The following MINAR1 variants were observed in gnomAD, a reference collection of about 807,000 sequenced individuals.
MINAR1 encodes the protein membrane integral NOTCH2 associated receptor 1.
MINAR1 carries 40 observed loss-of-function variants against 65.1 expected under a neutral mutation model. That is an observed-to-expected ratio of 0.61 (90% confidence interval 0.48 to 0.80). The LOEUF is 0.80. Among genes scored for constraint, MINAR1 ranks in the 30% least tolerant of loss-of-function variants. The pLI is 0.00. For missense variants in MINAR1, 1,128 were observed against 1,148.0 expected (o/e 0.98, Z 0.25); for synonymous variants, 482 against 449.1 (o/e 1.07, Z -0.93).
the MINAR1 span, chr15:79,421,621 A>C: frequency 6.6e-6 from 1 of 152,126 alleles, no homozygotes; most frequent in Non-Finnish European, 1.5e-5. Context: ...ACCTCCCCCT[A>C]CTCTTAGAAA....
intron 2 of MINAR1, among the ~76,000 whole-genome samples, chr15:79,458,908 T>C (rs1895541211): frequency 6.6e-6 from 1 of 152,220 alleles, no homozygotes; most frequent in East Asian, 1.9e-4. Context: ...TGAGGTTTTT[T>C]TCATTATAAA....
rs536990647 is a variant in MINAR1 at position 79,471,407 on chromosome 15, C to T, written c.*3023C>T. Reference sequence around the variant, plus strand: ...TAATCTGAATTTGTTTTGAACACAGCCTTGCAGAAAAGCAAAAAATATTTC... The same window carrying T: ...TAATCTGAATTTGTTTTGAACACAGTCTTGCAGAAAAGCAAAAAATATTTC... On this transcript the variant is annotated 3_prime_UTR_variant, in exon 4 of 4. Coordinates refer to ENST00000305428, the MANE Select transcript of MINAR1 (RefSeq NM_015206.3). 6.5e-6 allele frequency: 1 copy of T among 152,698 alleles called. No homozygotes were observed. Among genetic ancestry groups the T allele is most frequent in the African/African-American group, 2.4e-5 (1 of 41,556 alleles). The allele number at this position is 152,698 out of a possible 1,614,324, so 9.5% of individuals were successfully genotyped here. A position where few individuals can be genotyped will look rare whatever the true frequency, so the allele number is the denominator to read the frequency against.
the MINAR1 span, chr15:79,412,101 G>C: frequency 6.8e-6 from 1 of 147,442 alleles, no homozygotes; most frequent in African/African-American, 2.5e-5. Flanking sequence ...GCTGTGATGC[G>C]GGCCCCCAGG....
At chr15:79,437,097 GTAAC>G (rs1186445873) in intron 1 of MINAR1, among the ~76,000 whole-genome samples, 9 of 111,228 alleles carry the variant, frequency 8.1e-5, no homozygotes, top group Admixed American at 1.0e-4. Context: ...GAGGCTTCAA[GTAAC>G]TAACTAAGAA....
chr15:79,430,779 A>C (rs966998660), upstream of MINAR1, among the ~76,000 whole-genome samples: 1 of 152,260 alleles, frequency 6.6e-6, no homozygotes, highest in East Asian at 1.9e-4. Flanking sequence ...AAACTTGGGC[A>C]GAGAGGAGCT....
At chr15:79,461,420 C>T (rs1467003736) in intron 2 of MINAR1, among the ~76,000 whole-genome samples, 1 of 152,230 alleles carries the variant, frequency 6.6e-6, no homozygotes, top group African/African-American at 2.4e-5. Context: ...GCAATTATGC[C>T]TGCAGTGGCT....
At chr15:79,434,011 T>C (rs1353279468) in intron 1 of MINAR1, among the ~76,000 whole-genome samples, 2 of 152,172 alleles carry the variant, frequency 1.3e-5, no homozygotes, top group Non-Finnish European at 2.9e-5. Context: ...AGGGCAAACT[T>C]AGAGATTTTC....
chr15:79,468,479 G>T lies in MINAR1; in HGVS notation c.*95G>T, dbSNP rs1211095672. On this transcript the variant is annotated 3_prime_UTR_variant, in exon 4 of 4. Coordinates refer to ENST00000305428, the MANE Select transcript of MINAR1 (RefSeq NM_015206.3). Reference sequence around the variant, plus strand: ...CAGTGAGGCAACAATTTGTTGAAATGGAGATGAAATCATGGAGGCATTTCT... The same window carrying T: ...CAGTGAGGCAACAATTTGTTGAAATTGAGATGAAATCATGGAGGCATTTCT... 4 of 1,133,386 alleles carry T rather than the reference G, an allele frequency of 3.5e-6. No homozygotes were observed. In the African/African-American group the frequency reaches 4.7e-5, roughly 13 times the overall value. 70.2% of individuals were successfully genotyped at this position (1,133,386 alleles called of 1,614,324 possible).
chr15:79,437,657 G>C, intron 1 of MINAR1, among the ~76,000 whole-genome samples: 1 of 129,066 alleles, frequency 7.7e-6, no homozygotes, highest in Non-Finnish European at 1.7e-5. Context: ...GTGGGTGTGT[G>C]TAGGTAGTGT....
chr15:79,460,356 CT>C (rs1358447862), intron 2 of MINAR1, among the ~76,000 whole-genome samples: 2 of 152,180 alleles, frequency 1.3e-5, no homozygotes, highest in Non-Finnish European at 2.9e-5. Flanking sequence ...GCAGGCTTTT[CT>C]GTTCCTTTAA....
At position 79,456,970 on chromosome 15, in the gene MINAR1, G is replaced by C; in HGVS notation, c.823G>C (p.Val275Leu). The C allele has an allele frequency of 9.3e-6, 15 of 1,614,100 alleles. No individual in the cohort carries two copies. The highest frequency in any genetic ancestry group is 1.3e-5 in the Non-Finnish European group (15 of 1,180,022). The change falls in exon 2 of 4, where the codon GTT (valine) becomes CTT (leucine). Residue 275 changes from valine (V) to leucine (L), a missense_variant. Transcript: ENST00000305428. The stretch of plus-strand genomic sequence containing the variant: ...TTTGATGGCAGTGTCCCCCAGTTTG[G>C]TTGGCCCCATCAGCAAAGCAGAGAA... ...HNLMAVSPSL[V>L]GPISKAENEH...
chr15:79,451,988 G>A (rs1430623178), intron 1 of MINAR1, among the ~76,000 whole-genome samples: 2 of 152,140 alleles, frequency 1.3e-5, no homozygotes, highest in Non-Finnish European at 2.9e-5. Context: ...AGACACCTAG[G>A]AGAGAAAGAG....
upstream of MINAR1, among the ~76,000 whole-genome samples, chr15:79,429,514 C>G (rs560479407): frequency 6.6e-6 from 1 of 152,212 alleles, no homozygotes; most frequent in African/African-American, 2.4e-5. Context: ...GAGTGGGACA[C>G]CACTAGAAAC....
rs1399528792 is a variant in MINAR1 at position 79,471,711 on chromosome 15, G to T, written c.*3327G>T. On this transcript the variant is annotated 3_prime_UTR_variant, in exon 4 of 4. Coordinates refer to ENST00000305428, the MANE Select transcript of MINAR1 (RefSeq NM_015206.3). Reference sequence around the variant, plus strand: ...GAGCAGTGGCATCACATTTGTTGTTGTTGTTTTTTTTTTTGAAATAGAAAA... The same window carrying T: ...GAGCAGTGGCATCACATTTGTTGTTTTTGTTTTTTTTTTTGAAATAGAAAA... 5 of 145,602 alleles carry T rather than the reference G, an allele frequency of 3.4e-5. No homozygotes were observed. Among genetic ancestry groups the T allele is most frequent in the East Asian group, 4.0e-4 (2 of 4,990 alleles). The allele number at this position is 145,602 out of a possible 1,614,324, so 9.0% of individuals were successfully genotyped here. A position where few individuals can be genotyped will look rare whatever the true frequency, so the allele number is the denominator to read the frequency against.
Position 79,457,789 on chromosome 15 carries a change from T to C in MINAR1, c.1642T>C (p.Leu548=), listed in dbSNP as rs1236812776. Residue 548 remains leucine, a synonymous_variant, in exon 2 of 4, where the codon TTG becomes CTG. Coordinates refer to ENST00000305428, the MANE Select transcript of MINAR1 (RefSeq NM_015206.3). ...QSSCYNSTGS[L]SQLHKSDCDS... is the part of the protein sequence containing the mutation. ...GTCCTGCTACAACAGCACAGGATCCTTGTCTCAGCTCCATAAGTCAGACTG... is the reference window on the plus strand; with the variant it reads ...GTCCTGCTACAACAGCACAGGATCCCTGTCTCAGCTCCATAAGTCAGACTG... 2 of 1,614,150 alleles carry C rather than the reference T, an allele frequency of 1.2e-6. No homozygotes were observed. Among genetic ancestry groups the C allele is most frequent in the South Asian group, 1.1e-5 (1 of 91,076 alleles).
At chr15:79,412,924 G>T in the MINAR1 span, 1 of 152,212 alleles carries the variant, frequency 6.6e-6, no homozygotes, top group South Asian at 2.1e-4. Context: ...ATCCCCTAGG[G>T]TTAGGGTATG....
rs751091815 is a variant in MINAR1, at chr15:79,456,496, G to A, written c.349G>A (p.Ala117Thr). 2 of 1,613,970 alleles carry A rather than the reference G, an allele frequency of 1.2e-6. No homozygotes were observed. The highest frequency in any genetic ancestry group is 1.7e-5 in the Admixed American group (1 of 60,030). The change falls in exon 2 of 4, where the codon GCA becomes ACA. Residue 117 changes from alanine to threonine, a missense_variant. By Grantham distance (58) the Ala-to-Thr change is moderately conservative (BLOSUM62 0). Coordinates refer to ENST00000305428, the MANE Select transcript of MINAR1 (RefSeq NM_015206.3). Reference sequence around the variant, plus strand: ...CCGCCAGAAGGTACGCAAGAAGGAGGCATCCTTTGAATCATGTAGGTCGGA... The same window carrying A: ...CCGCCAGAAGGTACGCAAGAAGGAGACATCCTTTGAATCATGTAGGTCGGA... ...TGRQKVRKKEASFESCRSDTE... is the reference protein window; with the variant it reads ...TGRQKVRKKETSFESCRSDTE...
intron 1 of MINAR1, among the ~76,000 whole-genome samples, chr15:79,445,046 A>G (rs1436459204): frequency 6.6e-6 from 1 of 151,948 alleles, no homozygotes; most frequent in Non-Finnish European, 1.5e-5. Flanking sequence ...TGCTTCATGT[A>G]TTTTTAAGGC....
In MINAR1 at chr15:79,470,159, G is replaced by A. The variant is rs1266169390; in HGVS notation, c.*1775G>A. On this transcript the variant is annotated 3_prime_UTR_variant, in exon 4 of 4. Transcript: ENST00000305428. ...TTAAGCCTTAGTATGAAAAACTGAG[G>A]ATTTATAATTGAAAATGAAAAAAAT... 1 of 152,396 alleles carries A rather than the reference G, an allele frequency of 6.6e-6. No homozygotes were observed. The highest frequency in any genetic ancestry group is 1.9e-4 in the East Asian group (1 of 5,200). The allele number at this position is 152,396 out of a possible 1,614,324, so 9.4% of individuals were successfully genotyped here.
Sources: gnomAD v4.1 joint callset for allele counts (sites outside exome capture counted in the v4.1 genomes callset) on GRCh38, gnomAD v4.1.1 for gene constraint, MANE v1.5 for transcripts, NCBI Gene and HGNC (gene_info 2026-07-23, HGNC 2026-07-21) for gene names.